FRMD3: variants seen among roughly 807,000 people sequenced by gnomAD.
The protein encoded by FRMD3 is FERM domain-containing protein 3.
Under a neutral mutation model 70.2 loss-of-function variants are expected in FRMD3, and 33 were observed. That is an observed-to-expected ratio of 0.47 (90% CI 0.36 to 0.63). The LOEUF (loss-of-function observed/expected upper bound fraction) is 0.63, where lower values mean the gene tolerates loss of function less well. Ranked by LOEUF, FRMD3 falls within the 20% of genes least tolerant of loss-of-function variation. The pLI, the probability that FRMD3 is intolerant of heterozygous loss-of-function variation, is 0.00. For synonymous variants in FRMD3, 279 were observed against 255.9 expected (o/e 1.09, Z -0.86); for missense variants, 632 against 711.4 (o/e 0.89, Z 1.27).
the FRMD3 span, among the ~76,000 whole-genome samples, chr9:83,575,204 G>T: frequency 1.5e-4 from 23 of 152,078 alleles, no homozygotes; most frequent in African/African-American, 5.3e-4. Context: ...AAGAACTTAA[G>T]GGAAAAAAAA....
intron 10 of FRMD3, among the ~76,000 whole-genome samples, chr9:83,300,471 C>G (rs1834868143): frequency 6.6e-6 from 1 of 152,206 alleles, no homozygotes; most frequent in South Asian, 2.1e-4. Flanking sequence ...TCTATATTCT[C>G]ACTTCTAAGT....
intron 13 of FRMD3, among the ~76,000 whole-genome samples, chr9:83,264,077 A>C (rs952716302): frequency 6.6e-6 from 1 of 152,238 alleles, no homozygotes; most frequent in Admixed American, 6.5e-5. Flanking sequence ...TGTACACATT[A>C]ATAATCAAAA....
At chr9:83,333,859 G>C (rs1208540146) in intron 6 of FRMD3, among the ~76,000 whole-genome samples, 1 of 152,112 alleles carries the variant, frequency 6.6e-6, no homozygotes, top group Non-Finnish European at 1.5e-5. Flanking sequence ...ACTTCAGCTT[G>C]TACTTTCCTC....
At chr9:83,284,061 ATTT>A (rs71365307) in intron 13 of FRMD3, among the ~76,000 whole-genome samples, 3,248 of 101,712 alleles carry the variant, frequency 0.032, 84 homozygotes, top group African/African-American at 0.083. Context: ...CTAGGATGTT[ATTT>A]TTTTTTTTTT....
intron 1 of FRMD3, among the ~76,000 whole-genome samples, chr9:83,428,622 A>G (rs1189825956): frequency 6.6e-6 from 1 of 152,094 alleles, no homozygotes; most frequent in East Asian, 1.9e-4. Context: ...TATTTATACC[A>G]TGTATTAAGG....
At chr9:83,352,787 C>G (rs575421336) in intron 3 of FRMD3, among the ~76,000 whole-genome samples, 1 of 152,336 alleles carries the variant, frequency 6.6e-6, no homozygotes, top group South Asian at 2.1e-4. Flanking sequence ...TCATTCTGGA[C>G]ATAATCGTCG....
intron 4 of FRMD3, among the ~76,000 whole-genome samples, chr9:83,344,824 A>AGTGTGTGAGTGT (rs1823898409): frequency 6.9e-6 from 1 of 143,972 alleles, no homozygotes; most frequent in East Asian, 2.1e-4. Context: ...TGCATGTGTG[A>AGTGTGTGAGTGT]GTGTGTGTGT....
chr9:83,388,786 A>C (rs976655100), intron 2 of FRMD3, among the ~76,000 whole-genome samples: 3 of 152,112 alleles, frequency 2.0e-5, no homozygotes, highest in Non-Finnish European at 2.9e-5. Flanking sequence ...GTTGAAAAAA[A>C]CTGAGGTGAA....
intron 1 of FRMD3, among the ~76,000 whole-genome samples, chr9:83,525,529 C>G (rs576855817): frequency 6.6e-6 from 1 of 152,294 alleles, no homozygotes; most frequent in South Asian, 2.1e-4. Flanking sequence ...AAAGCTGCTC[C>G]TCATATAACA....
intron 1 of FRMD3, among the ~76,000 whole-genome samples, chr9:83,514,035 G>A (rs561962094): frequency 5.3e-5 from 8 of 152,306 alleles, no homozygotes; most frequent in African/African-American, 1.9e-4. Context: ...TAGCTGGGCA[G>A]CCATTTGGGC....
chr9:83,549,079 T>A, the FRMD3 span, among the ~76,000 whole-genome samples: 1 of 152,060 alleles, frequency 6.6e-6, no homozygotes, highest in South Asian at 2.1e-4. Context: ...CCAAGAGTTG[T>A]GTTTTCTGCC....
Position 83,248,162 on chromosome 9 carries a change from C to A in FRMD3, c.1550G>T (p.Gly517Val). Residue 517 changes from glycine (G) to valine (V), a missense_variant, in exon 14 of 14, where the codon GGC becomes GTC. Physicochemically the swap from Gly to Val is moderately radical, Grantham distance 109 (BLOSUM62 -3). Around this residue, in one of 3 missense-constraint regions of FRMD3, gnomAD observed 418 missense variants for 442.1 expected, o/e 0.95. Coordinates refer to ENST00000304195, the MANE Select transcript of FRMD3 (RefSeq NM_174938.6). ...GACCAGTGGGTTCACCCGAATATGG[C>A]CAGTCAGAATGTCATAGCTCCACGA... ...ALSWSYDILT[G>V]HIRVNPLVKS... is the part of the protein sequence containing the mutation. The A allele has an allele frequency of 6.2e-7, 1 of 1,614,190 alleles. No homozygotes were observed. The highest frequency in any genetic ancestry group is 8.5e-7 in the Non-Finnish European group (1 of 1,180,030).
intron 1 of FRMD3, among the ~76,000 whole-genome samples, chr9:83,484,901 G>GAC (rs1379675891): frequency 1.3e-5 from 2 of 152,232 alleles, no homozygotes; most frequent in African/African-American, 2.4e-5. Context: ...AGTCTAGAGA[G>GAC]ACACACAGTG....
At position 83,246,369 on chromosome 9, in the gene FRMD3, G is replaced by A. The variant is rs958854359; in HGVS notation, c.*1549C>T. 3 of 982,760 alleles carry A rather than the reference G, an allele frequency of 3.1e-6. No individual in the cohort carries two copies. The highest frequency in any genetic ancestry group is 6.2e-5 in the Admixed American group (1 of 16,254). The allele number at this position is 982,760 out of a possible 1,614,324, so 60.9% of individuals were successfully genotyped here. ...ATCAGTACGTTGCTGATGGTACAATGCTCTAGTACCTTCCTTGATACCATT... is the reference window on the plus strand; with the variant it reads ...ATCAGTACGTTGCTGATGGTACAATACTCTAGTACCTTCCTTGATACCATT... On this transcript the variant is annotated 3_prime_UTR_variant, in exon 14 of 14. Coordinates refer to ENST00000304195, the MANE Select transcript of FRMD3 (RefSeq NM_174938.6).
intron 1 of FRMD3, among the ~76,000 whole-genome samples, chr9:83,395,770 T>TA (rs57159544): frequency 0.086 from 12,226 of 141,584 alleles, 556 homozygotes; most frequent in East Asian, 0.14. Flanking sequence ...TTTCTTCAAT[T>TA]AAAAAAAAAA....
intron 1 of FRMD3, among the ~76,000 whole-genome samples, chr9:83,436,440 CA>C (rs1000084306): frequency 2.8e-5 from 4 of 141,476 alleles, no homozygotes; most frequent in African/African-American, 1.1e-4. Flanking sequence ...TTTCCTTTGC[CA>C]AATTTTAATT....
chr9:83,547,197 G>T, the FRMD3 span, among the ~76,000 whole-genome samples: 3 of 149,096 alleles, frequency 2.0e-5, no homozygotes, highest in South Asian at 2.1e-4. Context: ...AAAAGACAAA[G>T]AAGGTCATTA....
At chr9:83,455,504 C>T (rs762835942) in intron 1 of FRMD3, among the ~76,000 whole-genome samples, 53 of 152,256 alleles carry the variant, frequency 3.5e-4, no homozygotes, top group African/African-American at 7.9e-4. Flanking sequence ...TTTCTCTTGC[C>T]ACTGCCATGT....
chr9:83,523,209 T>C (rs11140137), intron 1 of FRMD3, among the ~76,000 whole-genome samples: 25,624 of 144,378 alleles, frequency 0.18, 2,402 homozygotes, highest in African/African-American at 0.27. Flanking sequence ...GACGGACGGA[T>C]GGATAGATTT....
Sources: allele counts gnomAD v4.1 joint callset (sites outside exome capture counted in the v4.1 genomes callset), GRCh38; gene constraint gnomAD v4.1.1; regional missense constraint gnomAD v4.1.1; transcripts MANE v1.5; gene names NCBI Gene and HGNC (gene_info 2026-07-23, HGNC 2026-07-21).